FBXO38: variants seen among roughly 807,000 people sequenced by gnomAD.
The protein encoded by FBXO38 is F-box protein 38, also known as F-box only protein 38.
A neutral mutation model predicts 131.9 loss-of-function variants in FBXO38; 53 were observed. The ratio of observed to expected loss-of-function variants is 0.40; its 90% CI spans 0.32 to 0.51. The LOEUF is 0.51. Ranked by LOEUF, FBXO38 falls within the 20% of genes least tolerant of loss-of-function variation. The pLI is 0.53. For missense variants in FBXO38, 1,076 were observed against 1,475.6 expected (o/e 0.73, Z 4.44); for synonymous variants, 452 against 505.6 (o/e 0.89, Z 1.42).
In FBXO38 at chr5:148,441,349, A is replaced by G. The variant is rs193218224; in HGVS notation, c.3388+112A>G. On this transcript the variant is annotated intron_variant, in intron 21 of 21. Transcript: ENST00000340253. The stretch of plus-strand genomic sequence containing the variant: ...GCAGTGCAGTGTTAAATGGTTTCCC[A>G]TAGAAATAATTTGTATTTACTCACT... 1.1e-3 allele frequency: 857 copies of G among 754,812 alleles called. 10 individuals are homozygous for G. The highest frequency in any genetic ancestry group is 4.1e-4 in the East Asian group (15 of 36,530). The allele number at this position is 754,812 out of a possible 1,614,324, so 46.8% of individuals were successfully genotyped here.
chr5:148,390,897 GAAGAAGGGATT>G (rs1163509470), intron 1 of FBXO38, among the ~76,000 whole-genome samples: 2 of 151,976 alleles, frequency 1.3e-5, no homozygotes, highest in Admixed American at 6.6e-5. Context: ...GAAAAAGGAG[GAAGAAGGGATT>G]AAAAAAAAGC....
At chr5:148,416,591 C>T (rs1753067230) in intron 11 of FBXO38, 1 of 185,068 alleles carries the variant, frequency 5.4e-6, no homozygotes, top group Admixed American at 5.4e-5. Context: ...ACTCTTAAGG[C>T]AATTAAAAAC....
intron 9 of FBXO38, among the ~76,000 whole-genome samples, chr5:148,412,081 T>C (rs988105710): frequency 6.6e-6 from 1 of 152,184 alleles, no homozygotes; most frequent in Non-Finnish European, 1.5e-5. Flanking sequence ...CTCCTCAACA[T>C]ATGTTTTCAA....
chr5:148,426,000 T>C (rs1297708769), intron 14 of FBXO38, among the ~76,000 whole-genome samples: 5 of 152,172 alleles, frequency 3.3e-5, no homozygotes, highest in Non-Finnish European at 7.3e-5. Context: ...CTGTGCCTTA[T>C]GTAAGGGATG....
intron 9 of FBXO38, among the ~76,000 whole-genome samples, chr5:148,411,971 G>A (rs1029132625): frequency 6.6e-6 from 1 of 152,072 alleles, no homozygotes; most frequent in Admixed American, 6.6e-5. Context: ...CTCAGAACTT[G>A]ACAAATTGTG....
chr5:148,420,939 G>T (rs2113605207), intron 12 of FBXO38, among the ~76,000 whole-genome samples: 1 of 151,984 alleles, frequency 6.6e-6, no homozygotes. Context: ...TTACAGGTGT[G>T]AGCCACTGCA....
intron 1 of FBXO38, among the ~76,000 whole-genome samples, chr5:148,393,979 CTCTTT>C (rs1027031529): frequency 6.6e-6 from 1 of 152,136 alleles, no homozygotes; most frequent in Admixed American, 6.6e-5. Flanking sequence ...CCTCTCTCCC[CTCTTT>C]TCTTTCTCTT....
At position 148,442,233 on chromosome 5, in the gene FBXO38, T is replaced by C. The variant is rs1443135933; in HGVS notation, c.*86T>C. 1 of 1,320,956 alleles carries C rather than the reference T, an allele frequency of 7.6e-7. No homozygotes were observed. Among genetic ancestry groups the C allele is most frequent in the Non-Finnish European group, 1.1e-6 (1 of 939,238 alleles). 81.8% of individuals were successfully genotyped at this position (1,320,956 alleles called of 1,614,324 possible). On this transcript the variant is annotated 3_prime_UTR_variant, in exon 22 of 22. Transcript: ENST00000340253. ...GAGTGCTCCACAGGGACTTGAGGCA[T>C]GCAGTTGGGAGGTCCTGGCTCGGTT...
chr5:148,402,197 A>G, intron 4 of FBXO38, 52 bp downstream of exon 4: 1 of 1,577,454 alleles, frequency 6.3e-7, no homozygotes, highest in Middle Eastern at 1.7e-4. Context: ...GAAATAATAG[A>G]CCAAAGAATG....
At chr5:148,438,140 G>T (rs1250949164) in intron 17 of FBXO38, among the ~76,000 whole-genome samples, 192 bp from the exon 18 acceptor site, 1 of 152,016 alleles carries the variant, frequency 6.6e-6, no homozygotes, top group Non-Finnish European at 1.5e-5. Flanking sequence ...GCACTTTAAT[G>T]CCCCTTCTAC....
intron 1 of FBXO38, 77 bp downstream of exon 1, chr5:148,384,116 T>C (rs1452004392): frequency 6.5e-6 from 1 of 152,690 alleles, no homozygotes; most frequent in Non-Finnish European, 1.5e-5. Flanking sequence ...AGGGCTGAGG[T>C]AGCTGGGTGG....
intron 17 of FBXO38, among the ~76,000 whole-genome samples, chr5:148,437,563 C>A (rs987020838): frequency 6.6e-6 from 1 of 152,144 alleles, no homozygotes; most frequent in Non-Finnish European, 1.5e-5. Flanking sequence ...GTTTTATAAT[C>A]TTTTCCATTT....
chr5:148,425,751 T>A, intron 14 of FBXO38, 50 bp downstream of exon 14: 1 of 1,521,768 alleles, frequency 6.6e-7, no homozygotes, highest in Non-Finnish European at 9.0e-7. Flanking sequence ...CTATCAGAAC[T>A]GACACACTTG....
intron 2 of FBXO38, 90 bp downstream of exon 2, chr5:148,394,994 A>C (rs1758405213): frequency 8.2e-7 from 1 of 1,215,214 alleles, no homozygotes; most frequent in South Asian, 2.0e-5. Context: ...TACCAGCTAC[A>C]TGCAGCATTT....
At chr5:148,437,973 G>A (rs926675767) in intron 17 of FBXO38, among the ~76,000 whole-genome samples, 1 of 152,040 alleles carries the variant, frequency 6.6e-6, no homozygotes, top group Non-Finnish European at 1.5e-5. Context: ...GAGAGTGAAT[G>A]TAAGGTAACA....
Position 148,401,989 on chromosome 5 carries a change from A to G in FBXO38, c.270A>G (p.Thr90=), listed in dbSNP as rs1752184788. The G allele has an allele frequency of 1.2e-6, 2 of 1,607,952 alleles. No homozygotes were observed. The highest frequency in any genetic ancestry group is 1.1e-5 in the South Asian group (1 of 90,778). The change falls in exon 4 of 22, where the codon ACA becomes ACG. Residue 90 remains threonine, a synonymous_variant. Transcript: ENST00000340253. The part of the protein sequence containing the change: ...RWWEYMPSGF[T]DASFLTLLKK... Reference sequence around the variant, plus strand: ...TACTTCTGAACTTCTCAGGCTTTACAGATGCCAGTTTTCTAACACTATTAA... The same window carrying G: ...TACTTCTGAACTTCTCAGGCTTTACGGATGCCAGTTTTCTAACACTATTAA...
chr5:148,409,563 G>C (rs1023193773), intron 8 of FBXO38, among the ~76,000 whole-genome samples: 1 of 152,110 alleles, frequency 6.6e-6, no homozygotes, highest in African/African-American at 2.4e-5. Context: ...CTCCATCTCT[G>C]GATGATTTTC....
At chr5:148,431,592 T>A (rs1261490123) in intron 15 of FBXO38, among the ~76,000 whole-genome samples, 1 of 152,210 alleles carries the variant, frequency 6.6e-6, no homozygotes, top group African/African-American at 2.4e-5. Flanking sequence ...ACAGGCTTGC[T>A]TTTTGTTTGT....
intron 12 of FBXO38, among the ~76,000 whole-genome samples, chr5:148,418,996 T>C (rs1343434352): frequency 6.6e-6 from 1 of 152,146 alleles, no homozygotes; most frequent in Non-Finnish European, 1.5e-5. Flanking sequence ...AAAAACCAAA[T>C]ACACAAGACA....
Sources: allele counts gnomAD v4.1 joint callset (sites outside exome capture counted in the v4.1 genomes callset), GRCh38; gene constraint gnomAD v4.1.1; transcripts MANE v1.5; gene names NCBI Gene and HGNC (gene_info 2026-07-23, HGNC 2026-07-21).